Variants in SYT9 observed in about 807,000 individuals in gnomAD.
SYT9 encodes synaptotagmin 9.
A neutral mutation model predicts 48.4 loss-of-function variants in SYT9; 22 were observed. That is an observed-to-expected ratio of 0.45 (90% CI 0.32 to 0.65). SYT9 has a LOEUF of 0.65. Among genes scored for constraint, SYT9 ranks in the 30% least tolerant of loss-of-function variants. The pLI, the probability that SYT9 is intolerant of heterozygous loss-of-function variation, is 0.03. For synonymous variants in SYT9, 265 were observed against 245.0 expected (o/e 1.08, Z -0.76); for missense variants, 577 against 622.0 (o/e 0.93, Z 0.77).
At chr11:7,410,390 G>T (rs575998173) in intron 3 of SYT9, among the ~76,000 whole-genome samples, 11 of 152,236 alleles carry the variant, frequency 7.2e-5, no homozygotes, top group African/African-American at 2.6e-4. Flanking sequence ...ATTTTTTGTT[G>T]TTGTTGATTT....
At chr11:7,442,141 C>T (rs1024194749) in intron 6 of SYT9, among the ~76,000 whole-genome samples, 1 of 152,036 alleles carries the variant, frequency 6.6e-6, no homozygotes, top group African/African-American at 2.4e-5. Context: ...AGAGATGATC[C>T]CAGGAACCCC....
intron 3 of SYT9, among the ~76,000 whole-genome samples, chr11:7,321,752 A>G (rs1849342457): frequency 6.6e-6 from 1 of 152,166 alleles, no homozygotes; most frequent in Non-Finnish European, 1.5e-5. Context: ...CCAATTACAT[A>G]CAAATTAAAG....
chr11:7,301,914 A>G (rs1215767455), intron 1 of SYT9, among the ~76,000 whole-genome samples: 1 of 152,168 alleles, frequency 6.6e-6, no homozygotes, highest in African/African-American at 2.4e-5. Context: ...GGAGGGGGTG[A>G]AATGTTTTGA....
intron 1 of SYT9, among the ~76,000 whole-genome samples, chr11:7,285,116 A>T (rs562475735): frequency 6.6e-6 from 1 of 152,100 alleles, no homozygotes; most frequent in Admixed American, 6.5e-5. Context: ...TACCTATTTC[A>T]TAGGAATTTG....
At chr11:7,375,056 T>TA (rs1394951324) in intron 3 of SYT9, among the ~76,000 whole-genome samples, 1 of 152,140 alleles carries the variant, frequency 6.6e-6, no homozygotes, top group African/African-American at 2.4e-5. Context: ...TTTTAGGTCT[T>TA]ACGTTTAAGT....
intron 1 of SYT9, among the ~76,000 whole-genome samples, chr11:7,289,345 A>T (rs889175308): frequency 9.9e-5 from 15 of 152,192 alleles, no homozygotes; most frequent in African/African-American, 3.4e-4. Flanking sequence ...TTTAATAGGT[A>T]CAGAGTTTCA....
Position 7,431,726 on chromosome 11 carries a change from G to A in SYT9, c.1467+11091G>A, listed in dbSNP as rs1273323745. On this transcript the variant is annotated intron_variant, in intron 6 of 6. Transcript: ENST00000318881. ...TCCCTACTGCTCCAGCTCTAGCCAT[G>A]GCTCAAAGGGGCCCAGGTCCACCTC... Among the ~76,000 whole-genome samples the A allele has an allele frequency of 2.0e-5, 3 of 152,260 alleles. No individual in the cohort carries two copies. In the East Asian group the frequency reaches 5.8e-4, roughly 29 times the overall value.
chr11:7,307,597 A>G (rs10500693), intron 2 of SYT9, among the ~76,000 whole-genome samples: 12,092 of 152,264 alleles, frequency 0.079, 857 homozygotes, highest in East Asian at 0.21. Context: ...ATATATAACC[A>G]TGCCCACAAA....
At chr11:7,312,582 C>T (rs1189753479) in intron 2 of SYT9, among the ~76,000 whole-genome samples, 1 of 152,218 alleles carries the variant, frequency 6.6e-6, no homozygotes, top group Non-Finnish European at 1.5e-5. Context: ...CTAACCCAAA[C>T]CAATACACTT....
chr11:7,294,455 C>A (rs1848754578), intron 1 of SYT9, among the ~76,000 whole-genome samples: 1 of 152,176 alleles, frequency 6.6e-6, no homozygotes, highest in Non-Finnish European at 1.5e-5. Flanking sequence ...TATCCTGAGG[C>A]AAATTGCTCT....
intron 1 of SYT9, among the ~76,000 whole-genome samples, chr11:7,301,348 C>CA (rs1848916955): frequency 6.6e-6 from 1 of 152,162 alleles, no homozygotes; most frequent in Admixed American, 6.5e-5. Context: ...TTTTGATAAA[C>CA]AGTTTTATCA....
At chr11:7,464,057 C>T (rs183282192) in intron 6 of SYT9, among the ~76,000 whole-genome samples, 132 of 152,220 alleles carry the variant, frequency 8.7e-4, no homozygotes, top group South Asian at 2.7e-3. Flanking sequence ...CAGAGGTGGT[C>T]CCTAAGGCTG....
intron 3 of SYT9, among the ~76,000 whole-genome samples, chr11:7,343,597 C>T (rs756323317): frequency 2.0e-5 from 3 of 152,192 alleles, no homozygotes; most frequent in African/African-American, 4.8e-5. Flanking sequence ...TAGGAAGTTC[C>T]AACTTTCCCA....
chr11:7,250,485 C>T (rs1847850279), upstream of SYT9, among the ~76,000 whole-genome samples: 1 of 133,034 alleles, frequency 7.5e-6, no homozygotes, highest in African/African-American at 2.7e-5. Flanking sequence ...TCTGGTGTCA[C>T]CTTCTCTGTT....
At chr11:7,432,575 AAAAAAAAATATATATAC>A (rs1564901989) in intron 6 of SYT9, among the ~76,000 whole-genome samples, 32 of 11,182 alleles carry the variant, frequency 2.9e-3, no homozygotes, top group Non-Finnish European at 3.8e-3. Context: ...AAAAAAAAAA[AAAAAAAAATATATATAC>A]ATATATATAT....
intron 3 of SYT9, among the ~76,000 whole-genome samples, chr11:7,356,097 G>A (rs1850015619): frequency 6.6e-6 from 1 of 152,122 alleles, no homozygotes; most frequent in Non-Finnish European, 1.5e-5. Flanking sequence ...TCTGTTTCAG[G>A]TCTAGGATGA....
intron 3 of SYT9, among the ~76,000 whole-genome samples, chr11:7,404,456 A>C (rs1330528337): frequency 6.6e-6 from 1 of 151,918 alleles, no homozygotes. Flanking sequence ...TTGGTTTATT[A>C]GCTATAACTC....
chr11:7,247,609 A>G (rs1211956168), upstream of SYT9, among the ~76,000 whole-genome samples: 1 of 147,044 alleles, frequency 6.8e-6, no homozygotes, highest in African/African-American at 2.5e-5. Context: ...GTATATATAC[A>G]TATATACGTG....
Position 7,252,984 on chromosome 11 carries a change from A to G in SYT9, c.145+653A>G, listed in dbSNP as rs890262926. Among the ~76,000 whole-genome samples, 1 of 152,204 alleles carries G rather than the reference A, an allele frequency of 6.6e-6. No homozygotes were observed. The highest frequency in any genetic ancestry group is 2.4e-5 in the African/African-American group (1 of 41,454). On this transcript the variant is annotated intron_variant, in intron 1 of 6. Coordinates refer to ENST00000318881, the MANE Select transcript of SYT9 (RefSeq NM_175733.4). This position sits in a 1 kb window ranked among gnomAD's most constrained non-coding sequence, Gnocchi z 6.3. The stretch of plus-strand genomic sequence containing the variant: ...CGACCAGCGACTACCGCCGGCCACG[A>G]TGGGGTTCGTAGACTCGTCGGTCCT...
Sources: gnomAD v4.1 joint callset for allele counts (sites outside exome capture counted in the v4.1 genomes callset) on GRCh38, gnomAD v4.1.1 for gene constraint, Gnocchi (gnomAD v3.1) non-coding constraint, MANE v1.5 for transcripts, NCBI Gene and HGNC (gene_info 2026-07-23, HGNC 2026-07-21) for gene names.